Variants in TRPV5 observed in about 807,000 individuals in gnomAD.
TRPV5 encodes transient receptor potential cation channel subfamily V member 5.
In TRPV5, 66 loss-of-function variants were observed where a neutral mutation model predicts 74.1. The ratio of observed to expected loss-of-function variants is 0.89; its 90% CI spans 0.73 to 1.09. The LOEUF is 1.09. Among genes scored for constraint, TRPV5 ranks in the 50% least tolerant of loss-of-function variants. TRPV5 has a pLI of 0.00. For synonymous variants in TRPV5, 399 were observed against 360.7 expected (o/e 1.11, Z -1.20); for missense variants, 936 against 930.4 (o/e 1.01, Z -0.08).
intron 8 of TRPV5, among the ~76,000 whole-genome samples, chr7:142,920,870 C>T (rs934754398): frequency 5.3e-5 from 8 of 152,174 alleles, no homozygotes; most frequent in African/African-American, 1.9e-4. Flanking sequence ...CCCAGCCTTA[C>T]TGTCAGAATC....
intron 8 of TRPV5, 97 bp downstream of exon 8, chr7:142,925,432 C>A: frequency 7.5e-7 from 1 of 1,337,124 alleles, no homozygotes; most frequent in Admixed American, 1.9e-5. Context: ...CCTGCTGGAA[C>A]CCAGAGCGTG....
chr7:142,912,680 C>A lies in TRPV5; in HGVS notation c.1590G>T (p.Leu530=). The part of the protein sequence containing the change: ...LGQFYDYPMA[L]FTTFELFLTV... ...TGAGAAAAAGCTCAAAGGTGGTGAACAGTGCCATGGGGTAGTCATAGAATT... is the reference window on the plus strand; with the variant it reads ...TGAGAAAAAGCTCAAAGGTGGTGAAAAGTGCCATGGGGTAGTCATAGAATT... The change falls in exon 13 of 15, where the codon CTG becomes CTT. Residue 530 remains leucine, a synonymous_variant. Transcript: ENST00000265310. The A allele has an allele frequency of 6.2e-7, 1 of 1,614,230 alleles. No individual in the cohort carries two copies. The highest frequency in any genetic ancestry group is 8.5e-7 in the Non-Finnish European group (1 of 1,180,038).
chr7:142,914,199 A>G (rs1018462561), intron 12 of TRPV5, among the ~76,000 whole-genome samples: 3 of 152,244 alleles, frequency 2.0e-5, no homozygotes, highest in African/African-American at 7.2e-5. Flanking sequence ...ATAGAAAAAA[A>G]GCAAGTTATA....
chr7:142,912,553 A>C lies in TRPV5; in HGVS notation c.1717T>G (p.Leu573Val), dbSNP rs1263490639. The C allele has an allele frequency of 6.2e-7, 1 of 1,614,160 alleles. No individual in the cohort carries two copies. Among genetic ancestry groups the C allele is most frequent in the East Asian group, 2.2e-5 (1 of 44,888 alleles). ...TIIATLLMLN[L>V]FIAMMGDTHW... Reference sequence around the variant, plus strand: ...GTGTCGCCCATCATGGCGATGAACAAGTTGAGCATGAGCAGTGTGGCAATG... The same window carrying C: ...GTGTCGCCCATCATGGCGATGAACACGTTGAGCATGAGCAGTGTGGCAATG... The change falls in exon 13 of 15, where the codon TTG (leucine) becomes GTG (valine). Residue 573 changes from leucine (L) to valine (V), a missense_variant. Leu to Val is a conservative substitution (Grantham distance 32, BLOSUM62 1). Transcript: ENST00000265310.
chr7:142,929,036 G>T lies in TRPV5; in HGVS notation c.572C>A (p.Ala191Asp). 1.2e-6 allele frequency: 2 copies of T among 1,613,962 alleles called. No individual in the cohort carries two copies. Among genetic ancestry groups the T allele is most frequent in the Non-Finnish European group, 1.7e-6 (2 of 1,179,984 alleles). ...CCAGCTCTTACCCAGGGAGTCCTGG[G>T]CCCTGATGTCAGCTCCATGCTCAAT... ...LLIEHGADIR[A>D]QDSLGNTVLH... Residue 191 changes from alanine (A) to aspartate (D), a missense_variant, in exon 5 of 15, where the codon GCC (alanine) becomes GAC (aspartate). Coordinates refer to ENST00000265310, the MANE Select transcript of TRPV5 (RefSeq NM_019841.7).
At chr7:142,928,345 G>A in intron 6 of TRPV5, 111 bp from the exon 7 acceptor site, 1 of 1,189,406 alleles carries the variant, frequency 8.4e-7, no homozygotes, top group Non-Finnish European at 1.2e-6. Flanking sequence ...ACAGACAGTG[G>A]GAACCAGCAA....
chr7:142,910,033 G>A (rs1795678771), intron 13 of TRPV5, among the ~76,000 whole-genome samples: 1 of 152,170 alleles, frequency 6.6e-6, no homozygotes. Context: ...AAGGAAAAGG[G>A]TTGATTAATG....
In TRPV5 at chr7:142,915,318, G is replaced by A. The variant is rs370992954; in HGVS notation, c.1275C>T (p.Phe425=). The A allele has an allele frequency of 1.2e-6, 2 of 1,609,214 alleles. No individual in the cohort carries two copies. Among genetic ancestry groups the A allele is most frequent in the African/African-American group, 2.7e-5 (2 of 74,440 alleles). ...GAGGGGATACTCACATGATGACATGGAATGGCCCCCCAAGAATCGTCTTTC... is the reference window on the plus strand; with the variant it reads ...GAGGGGATACTCACATGATGACATGAAATGGCCCCCCAAGAATCGTCTTTC... ...YFGKTILGGP[F]HVIIITYASL... The change falls in exon 10 of 15, where the codon TTC becomes TTT. Residue 425 remains phenylalanine (F), a synonymous_variant. Coordinates refer to ENST00000265310, the MANE Select transcript of TRPV5 (RefSeq NM_019841.7).
chr7:142,923,766 A>G (rs1265632445), intron 8 of TRPV5, among the ~76,000 whole-genome samples: 1 of 152,310 alleles, frequency 6.6e-6, no homozygotes, highest in African/African-American at 2.4e-5. Context: ...GACTATCTGG[A>G]TCAAAGAAAT....
intron 7 of TRPV5, among the ~76,000 whole-genome samples, chr7:142,926,124 G>A (rs1795986609): frequency 6.6e-6 from 1 of 152,184 alleles, no homozygotes; most frequent in Non-Finnish European, 1.5e-5. Context: ...GGGAGTGGTA[G>A]TCAGAAATGA....
At chr7:142,931,788 G>A (rs375541918) in intron 1 of TRPV5, among the ~76,000 whole-genome samples, 31 of 152,156 alleles carry the variant, frequency 2.0e-4, no homozygotes, top group African/African-American at 5.5e-4. Context: ...TGCAACTTCC[G>A]CCTCCTGGGT....
intron 8 of TRPV5, among the ~76,000 whole-genome samples, chr7:142,917,818 C>G (rs986679982): frequency 6.6e-6 from 1 of 152,194 alleles, no homozygotes; most frequent in African/African-American, 2.4e-5. Flanking sequence ...TTCCTTGCTG[C>G]TCTACAAGAC....
intron 7 of TRPV5, among the ~76,000 whole-genome samples, chr7:142,926,265 T>C (rs1342817547): frequency 6.6e-6 from 1 of 152,178 alleles, no homozygotes; most frequent in East Asian, 1.9e-4. Flanking sequence ...TGGTCAGATT[T>C]GCTCTAGAAG....
intron 1 of TRPV5, 55 bp downstream of exon 1, chr7:142,933,277 T>A (rs1796126437): frequency 2.5e-6 from 4 of 1,597,858 alleles, no homozygotes; most frequent in Non-Finnish European, 3.4e-6. Flanking sequence ...CCCAGGTGGG[T>A]CAGAGGGTCT....
At chr7:142,929,290 C>T in intron 4 of TRPV5, 138 bp downstream of exon 4, 2 of 1,497,812 alleles carry the variant, frequency 1.3e-6, no homozygotes, top group East Asian at 2.3e-5. Context: ...GGGCCTCTGG[C>T]TTAATTAAGC....
At chr7:142,924,190 G>A (rs1795928661) in intron 8 of TRPV5, among the ~76,000 whole-genome samples, 1 of 147,848 alleles carries the variant, frequency 6.8e-6, no homozygotes, top group Non-Finnish European at 1.5e-5. Flanking sequence ...CTTGGTGAGA[G>A]GCAGTGTATC....
rs1282109797 is a variant in TRPV5, at chr7:142,929,490, C to A, written c.425G>T (p.Ser142Ile). 2 of 1,614,030 alleles carry A rather than the reference C, an allele frequency of 1.2e-6. No homozygotes were observed. The highest frequency in any genetic ancestry group is 2.7e-5 in the African/African-American group (2 of 74,924). The change falls in exon 4 of 15, where the codon AGT becomes ATT. Residue 142 changes from serine (S) to isoleucine (I), a missense_variant. Ser to Ile is a moderately radical substitution (Grantham distance 142, BLOSUM62 -2). Transcript: ENST00000265310. Reference protein sequence around the residue: ...LVRALLTRRASVSARATGTAF... With the variant: ...LVRALLTRRAIVSARATGTAF... ...AGTGCCTGTGGCTCTGGCAGAGACA[C>A]TGGCCCTGCGGGTGAGCAGGGCACG...
Position 142,933,546 on chromosome 7 carries a change from T to C in TRPV5, c.-87A>G. On this transcript the variant is annotated 5_prime_UTR_variant, in exon 1 of 15. Transcript: ENST00000265310. ...GACAGCAACTGAGCAAGAGATGGGG[T>C]CTATTTGGGGCTGGGACTCTGAGTT... The C allele has an allele frequency of 2.0e-6, 3 of 1,536,530 alleles. No individual in the cohort carries two copies. Among genetic ancestry groups the C allele is most frequent in the Non-Finnish European group, 2.6e-6 (3 of 1,139,232 alleles).
chr7:142,909,473 T>C lies in TRPV5; in HGVS notation c.1895+17A>G. On this transcript the variant is annotated intron_variant, in intron 14 of 14. Transcript: ENST00000265310. ...TTATACACATCTGCAGTTTTGCATG[T>C]GCACACCATCACTCACCGCAGGAAC... 6.2e-7 allele frequency: 1 copy of C among 1,613,354 alleles called. No individual in the cohort carries two copies. The highest frequency in any genetic ancestry group is 8.5e-7 in the Non-Finnish European group (1 of 1,179,814).
Sources: allele counts gnomAD v4.1 joint callset (sites outside exome capture counted in the v4.1 genomes callset), GRCh38; gene constraint gnomAD v4.1.1; transcripts MANE v1.5; gene names NCBI Gene and HGNC (gene_info 2026-07-23, HGNC 2026-07-21).